ZNF577: variants seen among roughly 807,000 people sequenced by gnomAD.
The protein encoded by ZNF577 is zinc finger protein 577.
ZNF577 carries 14 observed loss-of-function variants against 13.9 expected under a neutral mutation model. The observed-to-expected ratio is 1.00, with a 90% CI of 0.66 to 1.57. The LOEUF (loss-of-function observed/expected upper bound fraction) is 1.57, where lower values mean the gene tolerates loss of function less well. Ranked by LOEUF, ZNF577 falls within the 40% of genes most tolerant of loss-of-function variation. The pLI is 0.00. For missense variants in ZNF577, 555 were observed against 579.2 expected, an observed-to-expected ratio of 0.96 and a Z score of 0.43; for synonymous variants, 203 against 202.9, an observed-to-expected ratio of 1.00 and a Z score of 0.00.
At chr19:51,831,594 T>A (rs2084261392) in intron 9 of ZNF577, among the ~76,000 whole-genome samples, 1 of 151,858 alleles carries the variant, frequency 6.6e-6, no homozygotes, top group Admixed American at 6.5e-5. Context: ...CAGCAATCAG[T>A]TATTTACACA....
rs1383147825 is a variant in ZNF577 at position 51,877,277 on chromosome 19, C to T, written c.283+5G>A. 3 of 1,613,318 alleles carry T rather than the reference C, an allele frequency of 1.9e-6. No individual in the cohort carries two copies. The highest frequency in any genetic ancestry group is 8.5e-7 in the Non-Finnish European group (1 of 1,179,526). On this transcript the variant is annotated splice_donor_5th_base_variant and intron_variant, in intron 5 of 5. Transcript: ENST00000638348. ...TCCCCATTTTCTTAGTTTTCACTCA[C>T]TTACCTGGACAGATTTGACTGTGGG...
intron 5 of ZNF577, among the ~76,000 whole-genome samples, chr19:51,852,919 GAC>G (rs1267378366): frequency 6.7e-6 from 1 of 149,230 alleles, no homozygotes; most frequent in Non-Finnish European, 1.5e-5. Flanking sequence ...CTCTTTAAAA[GAC>G]AGTTTTCTTT....
intron 5 of ZNF577, among the ~76,000 whole-genome samples, chr19:51,849,401 A>C (rs1448212054): frequency 6.6e-6 from 1 of 152,188 alleles, no homozygotes; most frequent in Non-Finnish European, 1.5e-5. Flanking sequence ...TTGGGAAGTG[A>C]GGCTTAATGG....
At chr19:51,830,050 G>T (rs1337329932) in intron 9 of ZNF577, among the ~76,000 whole-genome samples, 2 of 150,428 alleles carry the variant, frequency 1.3e-5, no homozygotes, top group Non-Finnish European at 2.9e-5. Flanking sequence ...TTATAATTTT[G>T]TCTTTTACAT....
At position 51,813,770 on chromosome 19, in the gene ZNF577, G is replaced by A. The variant is rs577625485; in HGVS notation, c.*600-2096C>T. Among the ~76,000 whole-genome samples, 8 of 152,238 alleles carry A rather than the reference G, an allele frequency of 5.3e-5. No homozygotes were observed. In the East Asian group the frequency reaches 1.4e-3, roughly 26 times the overall value. On this transcript the variant is annotated intron_variant and NMD_transcript_variant, in intron 9 of 10. Transcript: ENST00000638827. The stretch of plus-strand genomic sequence containing the variant: ...AGGATGGACTCGATCTCCTGACCTC[G>A]TGATCCACCCACCTCGGCCTCCCAA...
chr19:51,876,354 G>A (rs925336708), intron 5 of ZNF577, among the ~76,000 whole-genome samples: 5 of 152,052 alleles, frequency 3.3e-5, no homozygotes, highest in South Asian at 2.1e-4. Flanking sequence ...CAGATGAGAC[G>A]TTAGTAGCAG....
chr19:51,811,143 T>C (rs11878589), intron 10 of ZNF577, among the ~76,000 whole-genome samples: 74,197 of 151,990 alleles, frequency 0.49, 18,876 homozygotes, highest in African/African-American at 0.65. Context: ...AAGTACAGTA[T>C]GAACTAAACT....
intron 5 of ZNF577, among the ~76,000 whole-genome samples, chr19:51,857,422 GAAAGAAAAGAAAAAAC>G (rs1568442293): frequency 4.6e-5 from 5 of 108,706 alleles, no homozygotes; most frequent in African/African-American, 2.2e-4. Context: ...AAGAAAGAAA[GAAAGAAAAGAAAAAAC>G]AAAGAAAGGA....
At chr19:51,809,394 C>T (rs1208406386) in intron 10 of ZNF577, among the ~76,000 whole-genome samples, 2 of 152,130 alleles carry the variant, frequency 1.3e-5, no homozygotes, top group Non-Finnish European at 2.9e-5. Context: ...ATCCATAAGC[C>T]CATAAAATTT....
intron 9 of ZNF577, among the ~76,000 whole-genome samples, chr19:51,829,781 C>T (rs143353379): frequency 2.0e-5 from 3 of 152,268 alleles, no homozygotes; most frequent in South Asian, 4.1e-4. Context: ...CTGCACAAGT[C>T]CCCTTGGCAA....
chr19:51,863,380 A>G (rs1178461582), downstream of ZNF577: 1 of 152,240 alleles, frequency 6.6e-6, no homozygotes, highest in African/African-American at 2.4e-5. Context: ...TTTACCATAA[A>G]AAGATATTAG....
chr19:51,833,545 G>A (rs1237993431), intron 9 of ZNF577, among the ~76,000 whole-genome samples: 1 of 152,200 alleles, frequency 6.6e-6, no homozygotes, highest in Non-Finnish European at 1.5e-5. Context: ...GAGCCTGTAG[G>A]TGATTCTTGG....
At chr19:51,830,135 TAAAAA>T (rs11299540) in intron 9 of ZNF577, among the ~76,000 whole-genome samples, 94 of 145,820 alleles carry the variant, frequency 6.4e-4, no homozygotes, top group Non-Finnish European at 1.0e-3. Context: ...TTCTAGTGTT[TAAAAA>T]AAAAAAAAAA....
At position 51,824,449 on chromosome 19, in the gene ZNF577, T is replaced by C; in HGVS notation, c.*600-12775A>G. 6.2e-7 allele frequency: 1 copy of C among 1,614,122 alleles called. No homozygotes were observed. Among genetic ancestry groups the C allele is most frequent in the South Asian group, 1.1e-5 (1 of 91,078 alleles). Reference sequence around the variant, plus strand: ...GCCAAAATTCACAGAAACCACATGATTAAATCCAGCCGTCCCTTACGTGTC... The same window carrying C: ...GCCAAAATTCACAGAAACCACATGACTAAATCCAGCCGTCCCTTACGTGTC... On this transcript the variant is annotated intron_variant and NMD_transcript_variant, in intron 9 of 10. Transcript: ENST00000638827. This position sits in a 1 kb window ranked among gnomAD's most constrained non-coding sequence, Gnocchi z 4.7.
chr19:51,850,190 G>C (rs1325224770), intron 5 of ZNF577, among the ~76,000 whole-genome samples: 1 of 152,164 alleles, frequency 6.6e-6, no homozygotes, highest in East Asian at 1.9e-4. Flanking sequence ...CTAAGCCTCT[G>C]AAATTTCCTG....
chr19:51,873,798 T>C, intron 5 of ZNF577, 92 bp from the exon 6 acceptor site: 2 of 984,292 alleles, frequency 2.0e-6, no homozygotes, highest in South Asian at 3.5e-5. Flanking sequence ...CAAACTTATT[T>C]CCAAGGGCAT....
At chr19:51,866,968 A>C (rs2084571615), downstream of ZNF577, among the ~76,000 whole-genome samples, 1 of 150,074 alleles carries the variant, frequency 6.7e-6, no homozygotes, top group African/African-American at 2.5e-5. Flanking sequence ...GAGTGAGATA[A>C]GAAGAAAGAA....
chr19:51,851,971 AC>A (rs948271507), intron 5 of ZNF577, among the ~76,000 whole-genome samples: 23 of 152,284 alleles, frequency 1.5e-4, no homozygotes, highest in African/African-American at 5.3e-4. Context: ...ACGAATCCCT[AC>A]AGTGGCGCAT....
intron 9 of ZNF577, among the ~76,000 whole-genome samples, chr19:51,838,536 TA>T (rs1035250835): frequency 5.4e-5 from 8 of 148,324 alleles, no homozygotes; most frequent in Admixed American, 2.0e-4. Flanking sequence ...ATAAGAGGGT[TA>T]AAAAAAGAAA....
Sources: allele counts gnomAD v4.1 joint callset (sites outside exome capture counted in the v4.1 genomes callset), GRCh38; gene constraint gnomAD v4.1.1; non-coding constraint Gnocchi (gnomAD v3.1); transcripts MANE v1.5; gene names NCBI Gene and HGNC (gene_info 2026-07-23, HGNC 2026-07-21).